Variants in HDAC9 observed in about 807,000 individuals in gnomAD.
The protein encoded by HDAC9 is MEF-2 interacting transcription repressor (MITR) protein.
HDAC9 carries 41 observed loss-of-function variants against 139.4 expected under a neutral mutation model. The ratio of observed to expected loss-of-function variants is 0.29; its 90% CI spans 0.23 to 0.38. The LOEUF (loss-of-function observed/expected upper bound fraction) is 0.38. Ranked by LOEUF, HDAC9 falls within the 10% of genes least tolerant of loss-of-function variation. The probability of loss-of-function intolerance (pLI) is 1.00; values close to 1 mark genes in which losing one functional copy is unlikely to be tolerated. For missense variants in HDAC9, 1,147 were observed against 1,297.0 expected (o/e 0.88, Z 1.78); for synonymous variants, 517 against 476.2 (o/e 1.09, Z -1.12).
At chr7:18,623,958 T>C (rs1243620713) in intron 6 of HDAC9, among the ~76,000 whole-genome samples, 2 of 151,990 alleles carry the variant, frequency 1.3e-5, no homozygotes, top group East Asian at 1.9e-4. Flanking sequence ...AAAAAAAGCA[T>C]TGGGATGAGA....
intron 2 of HDAC9, among the ~76,000 whole-genome samples, chr7:18,191,253 A>G (rs985572154): frequency 5.3e-5 from 8 of 152,196 alleles, no homozygotes; most frequent in Admixed American, 5.2e-4. Context: ...AAGGAAGGAA[A>G]GATATATTGC....
chr7:18,270,506 G>A (rs1472592795), intron 2 of HDAC9, among the ~76,000 whole-genome samples: 1 of 152,010 alleles, frequency 6.6e-6, no homozygotes, highest in African/African-American at 2.4e-5. Context: ...TGTGGGATAT[G>A]GTACATTTCT....
chr7:18,990,303 GGC>G (rs1563112328), intron 25 of HDAC9, among the ~76,000 whole-genome samples: 5 of 152,070 alleles, frequency 3.3e-5, no homozygotes, highest in South Asian at 2.1e-4. Flanking sequence ...TGGAGTACCT[GGC>G]CATGTGAGGT....
At chr7:18,766,341 A>G (rs957156586) in intron 15 of HDAC9, among the ~76,000 whole-genome samples, 7 of 152,252 alleles carry the variant, frequency 4.6e-5, no homozygotes, top group African/African-American at 9.6e-5. Flanking sequence ...TAGATAACGT[A>G]GAAAATAAAA....
chr7:18,794,290 T>C (rs1332203716), intron 17 of HDAC9, among the ~76,000 whole-genome samples: 2 of 149,170 alleles, frequency 1.3e-5, no homozygotes, highest in African/African-American at 5.0e-5. Flanking sequence ...TTATGACCAA[T>C]AACATATGCA....
At chr7:18,791,834 G>C (rs1318024825) in intron 16 of HDAC9, among the ~76,000 whole-genome samples, 1 of 152,168 alleles carries the variant, frequency 6.6e-6, no homozygotes, top group Non-Finnish European at 1.5e-5. Context: ...GTAGTAGCTA[G>C]CTTTTGTTTA....
intron 13 of HDAC9, among the ~76,000 whole-genome samples, chr7:18,738,282 G>T (rs2129139737): frequency 6.6e-6 from 1 of 152,312 alleles, no homozygotes; most frequent in South Asian, 2.1e-4. Flanking sequence ...ATTGTTATGT[G>T]TGAATTTGAT....
intron 1 of HDAC9, among the ~76,000 whole-genome samples, chr7:18,329,547 C>G (rs73305302): frequency 0.014 from 2,076 of 148,396 alleles, 55 homozygotes; most frequent in African/African-American, 0.049. Context: ...AAAGAAATGT[C>G]ATCTCTCCAA....
chr7:18,378,495 G>T (rs914157439), intron 1 of HDAC9, among the ~76,000 whole-genome samples: 2 of 151,820 alleles, frequency 1.3e-5, no homozygotes, highest in Non-Finnish European at 2.9e-5. Flanking sequence ...ATCTGAGAAT[G>T]GATTAAATTC....
chr7:18,904,572 C>CTTTTTT (rs71017010), intron 22 of HDAC9, among the ~76,000 whole-genome samples: 1 of 71,942 alleles, frequency 1.4e-5, no homozygotes, highest in Non-Finnish European at 2.4e-5. Context: ...CTCCCCATTT[C>CTTTTTT]TTTTTTTTTT....
intron 15 of HDAC9, 100 bp downstream of exon 15, chr7:18,762,377 A>G: frequency 1.4e-6 from 2 of 1,388,716 alleles, no homozygotes; most frequent in Non-Finnish European, 2.0e-6. Context: ...AGTGCAACAA[A>G]AAATCAGTTT....
intron 23 of HDAC9, among the ~76,000 whole-genome samples, chr7:18,946,036 C>CAAAAAAAAAAAAAAAAAAAAAAAAA (rs1171055959): frequency 1.0e-4 from 4 of 38,260 alleles, no homozygotes; most frequent in Admixed American, 6.0e-4. Flanking sequence ...GACTCCGTCT[C>CAAAAAAAAAAAAAAAAAAAAAAAAA]AAAAAAAAAA....
At chr7:18,470,654 G>GAA (rs1046853140) in intron 1 of HDAC9, among the ~76,000 whole-genome samples, 82 of 152,028 alleles carry the variant, frequency 5.4e-4, no homozygotes, top group Admixed American at 3.3e-3. Context: ...TTTTTAGCAG[G>GAA]AAAAAAACCA....
At chr7:18,616,964 CTTTA>C (rs1838783570) in intron 6 of HDAC9, among the ~76,000 whole-genome samples, 2 of 152,180 alleles carry the variant, frequency 1.3e-5, no homozygotes, top group Admixed American at 1.3e-4. Context: ...ACGTGCATCT[CTTTA>C]TTAAGCTGAA....
At chr7:18,935,735 T>G in intron 22 of HDAC9, 74 bp from the exon 23 acceptor site, 1 of 1,361,938 alleles carries the variant, frequency 7.3e-7, no homozygotes, top group Non-Finnish European at 1.0e-6. Flanking sequence ...TCAAAATACA[T>G]GCTCAATGTT....
intron 25 of HDAC9, among the ~76,000 whole-genome samples, chr7:18,976,317 TTCTC>T (rs1439765773): frequency 6.6e-6 from 1 of 152,218 alleles, no homozygotes; most frequent in Non-Finnish European, 1.5e-5. Flanking sequence ...TTCTTTTTCT[TTCTC>T]TAATCATTTT....
chr7:18,507,175 A>ATTATTC (rs1479304527), intron 2 of HDAC9, among the ~76,000 whole-genome samples: 2 of 147,600 alleles, frequency 1.4e-5, no homozygotes, highest in Non-Finnish European at 3.0e-5. Flanking sequence ...ATTACATATT[A>ATTATTC]TTATTATTAT....
intron 6 of HDAC9, among the ~76,000 whole-genome samples, chr7:18,627,162 C>A (rs1008199248): frequency 6.6e-6 from 1 of 152,172 alleles, no homozygotes; most frequent in African/African-American, 2.4e-5. Context: ...AATTTCATAA[C>A]AGGAAAGTTG....
intron 1 of HDAC9, among the ~76,000 whole-genome samples, chr7:18,427,882 GC>G: frequency 6.6e-6 from 1 of 151,782 alleles, no homozygotes; most frequent in Admixed American, 6.6e-5. Flanking sequence ...CCATTGATTA[GC>G]AACTCCCCAT....
Sources: gnomAD v4.1 joint callset for allele counts (sites outside exome capture counted in the v4.1 genomes callset) on GRCh38, gnomAD v4.1.1 for gene constraint, MANE v1.5 for transcripts, NCBI Gene and HGNC (gene_info 2026-07-23, HGNC 2026-07-21) for gene names.